Variants in CSMD1 observed in about 807,000 individuals in gnomAD.
CSMD1 encodes CUB and sushi domain-containing protein 1.
Under a neutral mutation model 417.5 loss-of-function variants are expected in CSMD1, and 213 were observed. That is an observed-to-expected ratio of 0.51 (90% CI 0.46 to 0.57). CSMD1 has a LOEUF of 0.57. CSMD1 is among the 20% of genes least tolerant of loss of function. The pLI, the probability that CSMD1 is intolerant of heterozygous loss-of-function variation, is 0.00. For synonymous variants in CSMD1, 2,862 were observed against 1,736.8 expected (o/e 1.65, Z -16.11); for missense variants, 6,923 against 4,529.7 (o/e 1.53, Z -15.17).
At chr8:3,777,112 A>G (rs1291737954) in intron 5 of CSMD1, among the ~76,000 whole-genome samples, 1 of 92,206 alleles carries the variant, frequency 1.1e-5, no homozygotes, top group African/African-American at 4.0e-5. Flanking sequence ...TATATTAGCT[A>G]TCTATACCTA....
chr8:3,546,420 C>T (rs564349210), intron 10 of CSMD1, among the ~76,000 whole-genome samples: 1 of 151,894 alleles, frequency 6.6e-6, no homozygotes, highest in African/African-American at 2.4e-5. Context: ...CCTGTAGTCC[C>T]AGCTACTTGG....
At chr8:4,081,713 T>C (rs1217751962) in intron 3 of CSMD1, among the ~76,000 whole-genome samples, 1 of 152,200 alleles carries the variant, frequency 6.6e-6, no homozygotes, top group African/African-American at 2.4e-5. Flanking sequence ...AAAAAGTATT[T>C]TCTCTGACCA....
intron 5 of CSMD1, among the ~76,000 whole-genome samples, chr8:3,870,127 A>T (rs1006243366): frequency 6.6e-6 from 1 of 152,180 alleles, no homozygotes; most frequent in Non-Finnish European, 1.5e-5. Flanking sequence ...CAGGTAGAAT[A>T]AAAACAGAGA....
At chr8:3,371,751 C>T (rs1194095144) in intron 18 of CSMD1, among the ~76,000 whole-genome samples, 1 of 152,114 alleles carries the variant, frequency 6.6e-6, no homozygotes, top group Non-Finnish European at 1.5e-5. Flanking sequence ...ACGTAAACCT[C>T]ATGGGAAGCA....
chr8:4,334,249 A>G (rs973696632), intron 3 of CSMD1, among the ~76,000 whole-genome samples: 1 of 152,090 alleles, frequency 6.6e-6, no homozygotes, highest in African/African-American at 2.4e-5. Context: ...AATGTGTATG[A>G]TAAGGTGCTT....
At chr8:3,524,019 GCACA>G (rs745673703) in intron 10 of CSMD1, among the ~76,000 whole-genome samples, 151 of 107,572 alleles carry the variant, frequency 1.4e-3, no homozygotes, top group South Asian at 2.2e-3. Context: ...ATGTGCACGT[GCACA>G]CACACACACA....
chr8:4,776,126 G>A (rs779477233), intron 1 of CSMD1, among the ~76,000 whole-genome samples: 1 of 152,120 alleles, frequency 6.6e-6, no homozygotes, highest in Non-Finnish European at 1.5e-5. Flanking sequence ...GACAATCACA[G>A]ATGATCCAGA....
intron 3 of CSMD1, among the ~76,000 whole-genome samples, chr8:4,095,370 T>C (rs1357356315): frequency 6.6e-6 from 1 of 151,210 alleles, no homozygotes; most frequent in East Asian, 1.9e-4. Context: ...GTGGCTGATG[T>C]AGAAACTAAA....
intron 2 of CSMD1, among the ~76,000 whole-genome samples, chr8:4,577,526 A>G (rs1381867100): frequency 6.6e-6 from 1 of 152,084 alleles, no homozygotes; most frequent in Non-Finnish European, 1.5e-5. Flanking sequence ...CAGCCCATCC[A>G]CAGGCTCCAG....
intron 5 of CSMD1, among the ~76,000 whole-genome samples, chr8:3,913,862 T>C (rs1808623369): frequency 6.6e-6 from 1 of 151,736 alleles, no homozygotes; most frequent in African/African-American, 2.4e-5. Context: ...CCTGTGTGTG[T>C]ATATATAATT....
At chr8:3,893,040 T>C (rs1393974776) in intron 5 of CSMD1, among the ~76,000 whole-genome samples, 3 of 151,950 alleles carry the variant, frequency 2.0e-5, no homozygotes, top group African/African-American at 7.2e-5. Flanking sequence ...AATAGTGATA[T>C]GGATTAAACA....
intron 11 of CSMD1, among the ~76,000 whole-genome samples, chr8:3,479,365 C>G (rs1817606006): frequency 6.6e-6 from 1 of 152,198 alleles, no homozygotes; most frequent in African/African-American, 2.4e-5. Flanking sequence ...ACCGCAACCT[C>G]CGCCTCCTGG....
intron 2 of CSMD1, among the ~76,000 whole-genome samples, chr8:4,446,605 G>T (rs1405439095): frequency 3.9e-5 from 6 of 152,124 alleles, no homozygotes; most frequent in African/African-American, 1.4e-4. Flanking sequence ...CCAGGCTGCA[G>T]TGCAGCAGCG....
At chr8:3,317,591 T>C (rs1805858696) in intron 23 of CSMD1, among the ~76,000 whole-genome samples, 1 of 152,202 alleles carries the variant, frequency 6.6e-6, no homozygotes, top group Non-Finnish European at 1.5e-5. Flanking sequence ...TAATTTTGTT[T>C]TGTTTTGTTT....
At chr8:4,579,101 AG>A (rs1298415607) in intron 2 of CSMD1, among the ~76,000 whole-genome samples, 2 of 151,980 alleles carry the variant, frequency 1.3e-5, no homozygotes, top group East Asian at 3.9e-4. Flanking sequence ...ATAAAGAGTA[AG>A]GACAATAAAA....
At chr8:3,857,450 T>C (rs926544827) in intron 5 of CSMD1, among the ~76,000 whole-genome samples, 1 of 152,152 alleles carries the variant, frequency 6.6e-6, no homozygotes, top group Admixed American at 6.6e-5. Context: ...AGATGGGACC[T>C]TGGAGAACTT....
Position 3,100,578 on chromosome 8 carries a change from TA to T in CSMD1, c.6950-3542del, listed in dbSNP as rs141691905. On this transcript the variant is annotated intron_variant, in intron 46 of 69. Transcript: ENST00000635120. ...TGGGAATCTGGGAAACCTCTCACCA[TA>T]GGGGAGCACCTGTCAAAAACACACG... Among the ~76,000 whole-genome samples, 735 of 152,308 alleles carry T rather than the reference TA, an allele frequency of 4.8e-3. 3 individuals carry two copies. The highest frequency in any genetic ancestry group is 8.1e-3 in the Non-Finnish European group (553 of 68,020).
chr8:4,171,450 T>C (rs575513257), intron 3 of CSMD1, among the ~76,000 whole-genome samples: 6 of 152,064 alleles, frequency 3.9e-5, no homozygotes, highest in South Asian at 2.1e-4. Context: ...GCATGACTTA[T>C]TGGCTCTCCT....
intron 26 of CSMD1, among the ~76,000 whole-genome samples, chr8:3,232,250 G>C (rs1443700919): frequency 6.6e-6 from 1 of 152,124 alleles, no homozygotes; most frequent in Non-Finnish European, 1.5e-5. Context: ...ACATATATCA[G>C]TTTCCTGAAA....
Sources: gnomAD v4.1 joint callset for allele counts (sites outside exome capture counted in the v4.1 genomes callset) on GRCh38, gnomAD v4.1.1 for gene constraint, MANE v1.5 for transcripts, NCBI Gene and HGNC (gene_info 2026-07-23, HGNC 2026-07-21) for gene names.